Variants in NXN observed in about 807,000 individuals in gnomAD.
NXN encodes the protein nucleoredoxin 1.
A neutral mutation model predicts 48.6 loss-of-function variants in NXN; 16 were observed. The ratio of observed to expected loss-of-function variants is 0.33; its 90% CI spans 0.22 to 0.50. The LOEUF is 0.50. NXN is among the 20% of genes least tolerant of loss of function. The pLI, the probability that NXN is intolerant of heterozygous loss-of-function variation, is 0.98. For synonymous variants in NXN, 281 were observed against 269.6 expected, an observed-to-expected ratio of 1.04 and a Z score of -0.41; for missense variants, 492 against 605.5, an observed-to-expected ratio of 0.81 and a Z score of 1.97.
chr17:946,110 T>C (rs1248974929), intron 1 of NXN, among the ~76,000 whole-genome samples: 1 of 151,680 alleles, frequency 6.6e-6, no homozygotes, highest in African/African-American at 2.4e-5. Context: ...GTTGATGTAT[T>C]CTAGGCGCTT....
intron 1 of NXN, among the ~76,000 whole-genome samples, chr17:926,818 A>G (rs549436191): frequency 9.9e-5 from 15 of 152,140 alleles, no homozygotes; most frequent in African/African-American, 3.6e-4. Flanking sequence ...CTGGGATTCC[A>G]GGCGTGAGCC....
In NXN at chr17:830,908, G is replaced by A. The variant is rs781707080; in HGVS notation, c.361-4830C>T. Among the ~76,000 whole-genome samples, 1 of 151,586 alleles carries A rather than the reference G, an allele frequency of 6.6e-6. No homozygotes were observed. Among genetic ancestry groups the A allele is most frequent in the Non-Finnish European group, 1.5e-5 (1 of 67,984 alleles). Reference sequence around the variant, plus strand: ...CCAGCTACTCAGAGGGCTGAGGCAGGAGAATCACTTGAACCCGGGAGGCGG... The same window carrying A: ...CCAGCTACTCAGAGGGCTGAGGCAGAAGAATCACTTGAACCCGGGAGGCGG... On this transcript the variant is annotated intron_variant, in intron 1 of 7. Transcript: ENST00000336868. This position sits in a 1 kb window ranked among gnomAD's most constrained non-coding sequence, Gnocchi z 4.2.
At chr17:822,094 C>G (rs909114256) in intron 4 of NXN, among the ~76,000 whole-genome samples, 1 of 152,030 alleles carries the variant, frequency 6.6e-6, no homozygotes, top group Non-Finnish European at 1.5e-5. Context: ...GCCTGGCCAA[C>G]ATGGTGAAAC....
At chr17:944,633 T>C (rs996048530) in intron 1 of NXN, among the ~76,000 whole-genome samples, 2 of 152,214 alleles carry the variant, frequency 1.3e-5, no homozygotes, top group African/African-American at 4.8e-5. Context: ...AAAAAGTTCC[T>C]TGGCCAGCAA....
At position 800,099 on chromosome 17, in the gene NXN, G is replaced by T. The variant is rs1228168716; in HGVS notation, c.*850C>A. 6.6e-6 allele frequency: 1 copy of T among 152,614 alleles called. No individual in the cohort carries two copies. Among genetic ancestry groups the T allele is most frequent in the Non-Finnish European group, 1.5e-5 (1 of 68,376 alleles). 9.5% of individuals were successfully genotyped at this position (152,614 alleles called of 1,614,324 possible). A position where few individuals can be genotyped will look rare whatever the true frequency, so the allele number is the denominator to read the frequency against. ...CCACTGCACTCCAGCCTGGGCGACA[G>T]AGCAAGACTCCATCTCAAAAAAAAG... On this transcript the variant is annotated 3_prime_UTR_variant, in exon 8 of 8. Coordinates refer to ENST00000336868, the MANE Select transcript of NXN (RefSeq NM_022463.5).
intron 1 of NXN, among the ~76,000 whole-genome samples, chr17:882,029 G>A (rs971791224): frequency 2.0e-5 from 3 of 151,728 alleles, no homozygotes; most frequent in African/African-American, 7.3e-5. Flanking sequence ...TGTTCATATC[G>A]GTATAACAGC....
chr17:863,444 G>A (rs1468770518), intron 1 of NXN, among the ~76,000 whole-genome samples: 1 of 152,148 alleles, frequency 6.6e-6, no homozygotes, highest in African/African-American at 2.4e-5. Context: ...TGGGATTACA[G>A]GTGTGAGCCA....
chr17:818,383 G>A (rs891080549), intron 5 of NXN, among the ~76,000 whole-genome samples: 6 of 150,212 alleles, frequency 4.0e-5, no homozygotes, highest in Admixed American at 6.7e-5. Flanking sequence ...TCACTATCAC[G>A]CCTCTTTACA....
chr17:815,464 G>A (rs1471255554), intron 5 of NXN, among the ~76,000 whole-genome samples: 1 of 147,238 alleles, frequency 6.8e-6, no homozygotes, highest in African/African-American at 2.5e-5. Flanking sequence ...TGAAGGCGAT[G>A]AGGCACTCAC....
At chr17:862,567 A>G (rs1162258115) in intron 1 of NXN, among the ~76,000 whole-genome samples, 3 of 152,240 alleles carry the variant, frequency 2.0e-5, no homozygotes, top group South Asian at 2.1e-4. Context: ...ATCACATATC[A>G]GTGGATGTGA....
chr17:914,403 C>T (rs1019652471), intron 1 of NXN, among the ~76,000 whole-genome samples: 4 of 152,092 alleles, frequency 2.6e-5, no homozygotes, highest in African/African-American at 9.7e-5. Context: ...CTCCTGACCT[C>T]AGGTGATCCA....
chr17:936,703 G>A (rs373910006), intron 1 of NXN, among the ~76,000 whole-genome samples: 24 of 150,028 alleles, frequency 1.6e-4, no homozygotes, highest in African/African-American at 4.7e-4. Context: ...AGCTGTCGGC[G>A]GTACCAGTTT....
At chr17:882,129 G>A (rs2068291044) in intron 1 of NXN, among the ~76,000 whole-genome samples, 1 of 152,130 alleles carries the variant, frequency 6.6e-6, no homozygotes, top group African/African-American at 2.4e-5. Flanking sequence ...CAACAAGAAG[G>A]AGAAAAAAAT....
At chr17:966,714 A>T (rs934479539) in intron 1 of NXN, among the ~76,000 whole-genome samples, 11 of 148,886 alleles carry the variant, frequency 7.4e-5, no homozygotes, top group African/African-American at 2.7e-4. Context: ...GAGGCCAAAA[A>T]ATTGGGCAAC....
chr17:871,208 C>T (rs1230123615), intron 1 of NXN, among the ~76,000 whole-genome samples: 1 of 151,804 alleles, frequency 6.6e-6, no homozygotes, highest in East Asian at 1.9e-4. Flanking sequence ...CATTCTGGAG[C>T]CACATTGGCA....
chr17:940,577 T>C (rs1176484143), intron 1 of NXN, among the ~76,000 whole-genome samples: 1 of 152,220 alleles, frequency 6.6e-6, no homozygotes, highest in Non-Finnish European at 1.5e-5. Context: ...ACGGACGGCA[T>C]GCCTCATCTC....
intron 1 of NXN, among the ~76,000 whole-genome samples, chr17:841,584 G>A (rs62067128): frequency 0.39 from 4,168 of 10,572 alleles, 628 homozygotes; most frequent in East Asian, 0.53. Flanking sequence ...AGCATCTCAC[G>A]CCGGCGAGCA....
chr17:859,342 C>T (rs149524950), intron 1 of NXN, among the ~76,000 whole-genome samples: 1 of 152,234 alleles, frequency 6.6e-6, no homozygotes, highest in East Asian at 1.9e-4. Context: ...AATACTGGAG[C>T]GATTCCGACT....
intron 1 of NXN, among the ~76,000 whole-genome samples, chr17:843,017 A>C (rs1344265980): frequency 9.7e-5 from 11 of 113,744 alleles, no homozygotes; most frequent in African/African-American, 3.8e-4. Flanking sequence ...AGAAAGAAAG[A>C]AAGAAAGAAA....
Sources: gnomAD v4.1 joint callset for allele counts (sites outside exome capture counted in the v4.1 genomes callset) on GRCh38, gnomAD v4.1.1 for gene constraint, Gnocchi (gnomAD v3.1) non-coding constraint, MANE v1.5 for transcripts, NCBI Gene and HGNC (gene_info 2026-07-23, HGNC 2026-07-21) for gene names.